PRC1: variants seen among roughly 807,000 people sequenced by gnomAD.
PRC1 encodes the protein anaphase spindle elongation 1 homolog.
PRC1 carries 54 observed loss-of-function variants against 91.2 expected under a neutral mutation model. The observed-to-expected ratio is 0.59, with a 90% confidence interval of 0.48 to 0.74. PRC1 has a LOEUF of 0.74. Among genes scored for constraint, PRC1 ranks in the 30% least tolerant of loss-of-function variants. The probability of loss-of-function intolerance (pLI) is 0.00; values close to 1 mark genes in which losing one functional copy is unlikely to be tolerated. For missense variants in PRC1, 727 were observed against 746.2 expected, an observed-to-expected ratio of 0.97 and a Z score of 0.30; for synonymous variants, 275 against 263.6, an observed-to-expected ratio of 1.04 and a Z score of -0.42.
At chr15:90,979,827 G>T (rs2039039063) in intron 7 of PRC1, among the ~76,000 whole-genome samples, 2 of 152,184 alleles carry the variant, frequency 1.3e-5, no homozygotes, top group Admixed American at 1.3e-4. Flanking sequence ...ATGAGGATGT[G>T]AAATAATATT....
In PRC1 at chr15:90,969,752, T is replaced by TA. The variant is rs200982679; in HGVS notation, c.1573-130dup. The TA allele has an allele frequency of 2.5e-3, 513 of 201,412 alleles. 2 individuals carry two copies. The highest frequency in any genetic ancestry group is 5.7e-3 in the South Asian group (28 of 4,928). The allele number at this position is 201,412 out of a possible 1,614,324, so 12.5% of individuals were successfully genotyped here. A position where few individuals can be genotyped will look rare whatever the true frequency, so the allele number is the denominator to read the frequency against. ...TGTCTATAATCCTATACTTTTTAGT[T>TA]AAAAAAAAAACATATATATATATAT... On this transcript the variant is annotated intron_variant, in intron 12 of 14. Coordinates refer to ENST00000394249, the MANE Select transcript of PRC1 (RefSeq NM_003981.4).
Position 90,987,632 on chromosome 15 carries a change from A to G in PRC1, c.12-2807T>C, listed in dbSNP as rs534439868. On this transcript the variant is annotated intron_variant, in intron 1 of 14. Coordinates refer to ENST00000394249, the MANE Select transcript of PRC1 (RefSeq NM_003981.4). ...GAAATTTTTCTCCCTTTTCTTAGGT[A>G]TAACAGGACAACTAAGACTGCCCTG... 22 of 152,358 alleles carry G rather than the reference A, an allele frequency of 1.4e-4. 1 individual carries two copies. Among genetic ancestry groups the G allele is most frequent in the South Asian group, 6.2e-4 (3 of 4,832 alleles). 9.4% of individuals were successfully genotyped at this position (152,358 alleles called of 1,614,324 possible).
chr15:90,979,695 T>C (rs1376427963), intron 7 of PRC1, among the ~76,000 whole-genome samples: 1 of 152,228 alleles, frequency 6.6e-6, no homozygotes, highest in Non-Finnish European at 1.5e-5. Context: ...CAGACTAGCA[T>C]TCAACTGGAC....
In PRC1 at chr15:90,984,654, A is replaced by G. The variant is rs980088560; in HGVS notation, c.144+39T>C. 2.5e-6 allele frequency: 4 copies of G among 1,611,500 alleles called. No homozygotes were observed. The highest frequency in any genetic ancestry group is 3.4e-6 in the Non-Finnish European group (4 of 1,178,416). Reference sequence around the variant, plus strand: ...TCTCGGGTGAGACACCAACATCCTTACCCTGGTCCAATGCAGAGACCAGTA... The same window carrying G: ...TCTCGGGTGAGACACCAACATCCTTGCCCTGGTCCAATGCAGAGACCAGTA... On this transcript the variant is annotated intron_variant, in intron 2 of 14. Coordinates refer to ENST00000394249, the MANE Select transcript of PRC1 (RefSeq NM_003981.4). This position sits in a 1 kb window ranked among gnomAD's most constrained non-coding sequence, Gnocchi z 5.1.
chr15:90,968,928 GATGT>G, intron 14 of PRC1, 147 bp downstream of exon 14: 1 of 1,475,996 alleles, frequency 6.8e-7, no homozygotes, highest in Admixed American at 2.5e-5. Flanking sequence ...ATGTAAATCA[GATGT>G]GTTTTTTTGA....
chr15:90,994,422 G>T lies in PRC1; in HGVS notation c.-5C>A. On this transcript the variant is annotated 5_prime_UTR_variant, in exon 1 of 15. Transcript: ENST00000394249. ...CAACCCGCACCTTCTCCTCATGGCGGACGCTCCAAGCAGCCGTGAGTCCAG... is the reference window on the plus strand; with the variant it reads ...CAACCCGCACCTTCTCCTCATGGCGTACGCTCCAAGCAGCCGTGAGTCCAG... 1.2e-6 allele frequency: 2 copies of T among 1,611,352 alleles called. No homozygotes were observed. The highest frequency in any genetic ancestry group is 1.7e-6 in the Non-Finnish European group (2 of 1,178,898).
At position 90,976,500 on chromosome 15, in the gene PRC1, T is replaced by C. The variant is rs573535999; in HGVS notation, c.1203+176A>G. Among the ~76,000 whole-genome samples, 9 of 152,242 alleles carry C rather than the reference T, an allele frequency of 5.9e-5. No individual in the cohort carries two copies. The South Asian group carries it at 1.5e-3, about 25-fold the overall frequency. On this transcript the variant is annotated intron_variant, in intron 9 of 14. Coordinates refer to ENST00000394249, the MANE Select transcript of PRC1 (RefSeq NM_003981.4). ...GGCCTGTAGTGCTTTATTATGGCAG[T>C]CCTAGCAAACGAATACACCTTGATA... is the stretch of plus-strand genomic sequence containing the variant.
rs71154154 is a variant in PRC1, at chr15:90,974,369, GGGCTCCCCGTTCCACAAGCCCCGGTCCCC to G, written c.1351-152_1351-124del. On this transcript the variant is annotated intron_variant, in intron 10 of 14. Transcript: ENST00000394249. The surrounding 1 kb of genome is among the most constrained non-coding windows in gnomAD (Gnocchi z 4.6). ...ACAGCCAGAGCTAAAGAGCTGCCGC[GGGCTCCCCGTTCCACAAGCCCCGGTCCCC>G]GGCTCCCCGTTCCACAAGCCCCGGT... The G allele has an allele frequency of 1.0e-4, 104 of 1,020,832 alleles. 1 individual carries two copies. In the African/African-American group the frequency reaches 1.1e-3, roughly 10 times the overall value. The allele number at this position is 1,020,832 out of a possible 1,614,324, so 63.2% of individuals were successfully genotyped here.
Position 90,980,340 on chromosome 15 carries a change from T to C in PRC1, c.872A>G (p.Lys291Arg), listed in dbSNP as rs1187094772. The change falls in exon 7 of 15, where the codon AAG becomes AGG. Residue 291 changes from lysine to arginine, a missense_variant. Transcript: ENST00000394249. ...CACTCGAATTGCCTCAATCACTTTC[T>C]TCATGTTTTGCATTTTCAGTTCTTC... Reference protein sequence around the residue: ...RLEELKMQNMKKVIEAIRVEL... With the variant: ...RLEELKMQNMRKVIEAIRVEL... 1 of 1,614,172 alleles carries C rather than the reference T, an allele frequency of 6.2e-7. No individual in the cohort carries two copies. The highest frequency in any genetic ancestry group is 8.5e-7 in the Non-Finnish European group (1 of 1,180,022).
chr15:90,974,191 C>G lies in PRC1; in HGVS notation c.1406G>C (p.Arg469Pro), dbSNP rs141668295. The G allele has an allele frequency of 6.2e-7, 1 of 1,614,172 alleles. No individual in the cohort carries two copies. Among genetic ancestry groups the G allele is most frequent in the Admixed American group, 1.7e-5 (1 of 60,020 alleles). ...CAGTCCTCGCCGCTTGCTAGGTGTT[C>G]GAGGAGCGCTGCCATACAGCATCTC... ...ETEMLYGSAP[R>P]TPSKRRGLAP... The change falls in exon 11 of 15, where the codon CGA (arginine) becomes CCA (proline). Residue 469 changes from arginine to proline, a missense_variant. By Grantham distance (103) the Arg-to-Pro change is moderately radical (BLOSUM62 -2). Coordinates refer to ENST00000394249, the MANE Select transcript of PRC1 (RefSeq NM_003981.4). The surrounding 1 kb of genome is among the most constrained non-coding windows in gnomAD (Gnocchi z 4.6).
intron 11 of PRC1, chr15:90,973,875 G>A (rs2151465767): frequency 2.9e-6 from 1 of 346,748 alleles, no homozygotes; most frequent in African/African-American, 2.1e-5. Flanking sequence ...CCCTTGCCAA[G>A]ATAGTGAAAA....
intron 5 of PRC1, 64 bp downstream of exon 5, chr15:90,981,435 G>A: frequency 6.5e-7 from 1 of 1,539,394 alleles, no homozygotes; most frequent in Non-Finnish European, 8.9e-7. Flanking sequence ...AGAAACAGCT[G>A]TCAGTTTTGT....
At chr15:90,982,853 A>G (rs911729373) in intron 3 of PRC1, 1 of 152,172 alleles carries the variant, frequency 6.6e-6, no homozygotes, top group East Asian at 1.9e-4. Context: ...TGCTAATCCT[A>G]TGAACATCGT....
At chr15:90,978,168 A>G (rs1268692837) in intron 8 of PRC1, among the ~76,000 whole-genome samples, 1 of 152,244 alleles carries the variant, frequency 6.6e-6, no homozygotes, top group African/African-American at 2.4e-5. Context: ...AATGCTCTGA[A>G]GGAACCCACC....
chr15:90,972,185 C>CAAAA (rs79751458), intron 11 of PRC1, among the ~76,000 whole-genome samples: 4,047 of 58,492 alleles, frequency 0.069, 119 homozygotes, highest in South Asian at 0.12. Context: ...TACTGAAACT[C>CAAAA]AAAAAAAAAA....
Position 90,974,329 on chromosome 15 carries a change from T to C in PRC1, c.1351-83A>G. The C allele has an allele frequency of 8.0e-7, 1 of 1,253,790 alleles. No homozygotes were observed. The highest frequency in any genetic ancestry group is 1.2e-6 in the Non-Finnish European group (1 of 868,038). The allele number at this position is 1,253,790 out of a possible 1,614,324, so 77.7% of individuals were successfully genotyped here. On this transcript the variant is annotated intron_variant, in intron 10 of 14. Coordinates refer to ENST00000394249, the MANE Select transcript of PRC1 (RefSeq NM_003981.4). This position sits in a 1 kb window ranked among gnomAD's most constrained non-coding sequence, Gnocchi z 4.6. ...GGCAACAGCAGCAGGGCCGGGAATCTAGGCCCGTGTCTCTACAGCCAGAGC... is the reference window on the plus strand; with the variant it reads ...GGCAACAGCAGCAGGGCCGGGAATCCAGGCCCGTGTCTCTACAGCCAGAGC...
intron 14 of PRC1, chr15:90,968,601 A>T (rs986159170): frequency 1.0e-6 from 1 of 993,020 alleles, no homozygotes; most frequent in African/African-American, 1.7e-5. Flanking sequence ...ATGTATGGAA[A>T]GAGGCAAAGG....
At position 90,976,711 on chromosome 15, in the gene PRC1, TTTC is replaced by T. The variant is rs1475399179; in HGVS notation, c.1165_1167del (p.Glu389del). ...ATTTTCTGGAGCTTGGCTCGTTGTT[TTTC>T]TTCTTTTAGAAGATTTCCTCCTCGG... On this transcript the variant is annotated inframe_deletion, in exon 9 of 15. Transcript: ENST00000394249. 1 of 1,613,778 alleles carries T rather than the reference TTTC, an allele frequency of 6.2e-7. No individual in the cohort carries two copies. Among genetic ancestry groups the T allele is most frequent in the Non-Finnish European group, 8.5e-7 (1 of 1,179,784 alleles).
intron 14 of PRC1, chr15:90,968,635 T>C (rs925438928): frequency 2.0e-6 from 2 of 1,001,816 alleles, no homozygotes; most frequent in African/African-American, 3.5e-5. Context: ...ATTAGCTAGC[T>C]GAGAATAGAG....
Sources: gnomAD v4.1 joint callset for allele counts (sites outside exome capture counted in the v4.1 genomes callset) on GRCh38, gnomAD v4.1.1 for gene constraint, Gnocchi (gnomAD v3.1) non-coding constraint, MANE v1.5 for transcripts, NCBI Gene and HGNC (gene_info 2026-07-23, HGNC 2026-07-21) for gene names.